CTDP1: variants seen among roughly 807,000 people sequenced by gnomAD.
CTDP1 encodes CTD phosphatase 1.
Under a neutral mutation model 91.8 loss-of-function variants are expected in CTDP1, and 47 were observed. The ratio of observed to expected loss-of-function variants is 0.51; its 90% CI spans 0.41 to 0.65. The LOEUF (loss-of-function observed/expected upper bound fraction) is 0.65, where lower values mean the gene tolerates loss of function less well. Among genes scored for constraint, CTDP1 ranks in the 30% least tolerant of loss-of-function variants. CTDP1 has a pLI of 0.00. For missense variants in CTDP1, 1,272 were observed against 1,373.7 expected, an observed-to-expected ratio of 0.93 and a Z score of 1.17; for synonymous variants, 656 against 598.5, an observed-to-expected ratio of 1.10 and a Z score of -1.40.
intron 12 of CTDP1, among the ~76,000 whole-genome samples, chr18:79,749,604 T>C (rs1255828732): frequency 6.6e-6 from 1 of 151,892 alleles, no homozygotes; most frequent in Non-Finnish European, 1.5e-5. Flanking sequence ...CAGTCATGAC[T>C]GCCCCCTCCC....
At chr18:79,686,585 T>A (rs1030754448) in intron 1 of CTDP1, among the ~76,000 whole-genome samples, 1 of 152,270 alleles carries the variant, frequency 6.6e-6, no homozygotes, top group Non-Finnish European at 1.5e-5. Context: ...GAACTTGAGC[T>A]AAAACTTAAC....
In CTDP1 at chr18:79,714,782, C is replaced by A. The variant is rs758829654; in HGVS notation, c.1322C>A (p.Pro441His). Residue 441 changes from proline (P) to histidine (H), a missense_variant, in exon 8 of 13, where the codon CCT becomes CAT. Coordinates refer to ENST00000613122, the MANE Select transcript of CTDP1 (RefSeq NM_004715.5). ...GGCCGGGTGGCACCGGGACAGCGGC[C>A]TGCCCAGGGTGCCACGGGCACTGAC... ...QGGRVAPGQRPAQGATGTDLD... is the reference protein window; with the variant it reads ...QGGRVAPGQRHAQGATGTDLD... 3 of 1,603,688 alleles carry A rather than the reference C, an allele frequency of 1.9e-6. No homozygotes were observed. In the South Asian group the frequency reaches 3.3e-5, roughly 18 times the overall value.
intron 11 of CTDP1, among the ~76,000 whole-genome samples, chr18:79,735,281 A>G (rs1435671313): frequency 1.3e-5 from 2 of 151,758 alleles, no homozygotes; most frequent in African/African-American, 4.8e-5. Context: ...CCAGGTGTGC[A>G]CCCCCAGATC....
chr18:79,713,139 G>T lies in CTDP1; in HGVS notation c.1030+1G>T. 1.2e-6 allele frequency: 2 copies of T among 1,613,860 alleles called. No homozygotes were observed. Among genetic ancestry groups the T allele is most frequent in the South Asian group, 1.1e-5 (1 of 91,070 alleles). ...CGAGAATCTCAGACGAGAAAGAAAG[G>T]TGGGTAACCTCCTTCCTGATTCTCT... On this transcript the variant is annotated splice_donor_variant, in intron 7 of 12. Transcript: ENST00000613122. LOFTEE classifies it high-confidence loss of function. The surrounding 1 kb of genome is among the most constrained non-coding windows in gnomAD (Gnocchi z 4.7).
In CTDP1 at chr18:79,715,217, A is replaced by T. The variant is rs771793907; in HGVS notation, c.1757A>T (p.Glu586Val). Residue 586 changes from glutamate (E) to valine (V), a missense_variant, in exon 8 of 13, where the codon GAG becomes GTG. Glu to Val is a moderately radical substitution (Grantham distance 121, BLOSUM62 -2). Around this residue, in one of 3 missense-constraint regions of CTDP1, gnomAD observed 881 missense variants for 911.6 expected, o/e 0.97. Transcript: ENST00000613122. The part of the protein sequence containing the change: ...MEEEEEEDTD[E>V]DDHLIYLEEI... Reference sequence around the variant, plus strand: ...GAGGAGGAGGAGGAGGACACGGATGAGGATGACCACCTCATCTACCTGGAG... The same window carrying T: ...GAGGAGGAGGAGGAGGACACGGATGTGGATGACCACCTCATCTACCTGGAG... The T allele has an allele frequency of 6.2e-7, 1 of 1,611,258 alleles. No individual in the cohort carries two copies. Among genetic ancestry groups the T allele is most frequent in the Admixed American group, 1.7e-5 (1 of 59,434 alleles).
intron 6 of CTDP1, among the ~76,000 whole-genome samples, chr18:79,712,643 T>G (rs2086107042): frequency 6.6e-6 from 1 of 152,218 alleles, no homozygotes; most frequent in Non-Finnish European, 1.5e-5. Context: ...TGTTTGTACA[T>G]GAAGTTTTAT....
intron 12 of CTDP1, among the ~76,000 whole-genome samples, chr18:79,751,509 C>T (rs1480278230): frequency 1.3e-5 from 2 of 152,204 alleles, no homozygotes; most frequent in Non-Finnish European, 2.9e-5. Context: ...GACTGATCGG[C>T]TGTGTGTGCC....
At chr18:79,683,698 C>T (rs1357105300) in intron 1 of CTDP1, among the ~76,000 whole-genome samples, 1 of 152,236 alleles carries the variant, frequency 6.6e-6, no homozygotes, top group South Asian at 2.1e-4. Context: ...CAGTTTTGGT[C>T]CCTCAAGGGC....
At chr18:79,731,795 C>A (rs912639427) in intron 11 of CTDP1, among the ~76,000 whole-genome samples, 1 of 152,228 alleles carries the variant, frequency 6.6e-6, no homozygotes, top group Non-Finnish European at 1.5e-5. Flanking sequence ...AATATGATGA[C>A]CCTGATAAAA....
chr18:79,681,910 C>T (rs1477226538), intron 1 of CTDP1, among the ~76,000 whole-genome samples: 1 of 152,094 alleles, frequency 6.6e-6, no homozygotes, highest in East Asian at 1.9e-4. Context: ...GGTTTGTGTA[C>T]ATGGGTTTTA....
rs754013889 is a variant in CTDP1, at chr18:79,714,979, C to T, written c.1519C>T (p.Arg507Trp). ...LAQGSSLEPG[R>W]PAAPSLPGEA... ...ACAGGGCAGTTCCCTGGAGCCGGGG[C>T]GGCCTGCAGCACCGAGTCTCCCCGG... The change falls in exon 8 of 13, where the codon CGG becomes TGG. Residue 507 changes from arginine (R) to tryptophan (W), a missense_variant. By Grantham distance (101) the Arg-to-Trp change is moderately radical. Around this residue, in one of 3 missense-constraint regions of CTDP1, gnomAD observed 881 missense variants for 911.6 expected, o/e 0.97. Transcript: ENST00000613122. 81 of 1,571,724 alleles carry T rather than the reference C, an allele frequency of 5.2e-5. No homozygotes were observed. Among genetic ancestry groups the T allele is most frequent in the African/African-American group, 1.7e-4 (13 of 74,364 alleles).
intron 10 of CTDP1, among the ~76,000 whole-genome samples, chr18:79,723,981 G>C (rs1394970865): frequency 6.6e-6 from 1 of 152,200 alleles, no homozygotes; most frequent in African/African-American, 2.4e-5. Flanking sequence ...GCCAACTGTG[G>C]TTTCACCGTT....
At chr18:79,727,190 A>G (rs189550411) in intron 10 of CTDP1, among the ~76,000 whole-genome samples, 17 of 152,334 alleles carry the variant, frequency 1.1e-4, no homozygotes, top group African/African-American at 4.1e-4. Context: ...AGCAGTTATC[A>G]TAGGTTTTTA....
chr18:79,735,153 C>T lies in CTDP1; in HGVS notation c.2581-1202C>T, dbSNP rs967027170. On this transcript the variant is annotated intron_variant, in intron 11 of 12. Coordinates refer to ENST00000613122, the MANE Select transcript of CTDP1 (RefSeq NM_004715.5). ...GTCTCTGTGACTCTGGACTCGGCCT[C>T]GACTGCTCCGAACCGCGCCTGTCTC... Among the ~76,000 whole-genome samples the T allele has an allele frequency of 3.9e-5, 6 of 151,944 alleles. No homozygotes were observed. In the South Asian group the frequency reaches 6.2e-4, roughly 16 times the overall value.
At chr18:79,718,364 T>A (rs1626962) in intron 10 of CTDP1, among the ~76,000 whole-genome samples, 15 of 152,120 alleles carry the variant, frequency 9.9e-5, no homozygotes, top group African/African-American at 3.4e-4. Context: ...TGAGCCCCCC[T>A]CCCCACTCGC....
chr18:79,736,174 G>T (rs2086662898), intron 11 of CTDP1, 181 bp from the exon 12 acceptor site: 2 of 740,998 alleles, frequency 2.7e-6, no homozygotes, highest in Non-Finnish European at 4.5e-6. Flanking sequence ...AGCGTCTTTT[G>T]CCCGGGGCTT....
At position 79,752,399 on chromosome 18, in the gene CTDP1, C is replaced by A. The variant is rs558441833; in HGVS notation, c.2748-1253C>A. The stretch of plus-strand genomic sequence containing the variant: ...TTATGCAGAGGCTCGTAAGGAAAGC[C>A]TAGTGGCACCGGCTGGTTATGCAGA... On this transcript the variant is annotated intron_variant, in intron 12 of 12. Transcript: ENST00000613122. 7.1e-5 allele frequency among the ~76,000 whole-genome samples: 8 copies of A among 112,542 alleles called. 1 individual carries two copies. The South Asian group carries it at 2.7e-3, about 39-fold the overall frequency. 73.8% of individuals were successfully genotyped at this position (112,542 alleles called of 152,430 possible).
intron 1 of CTDP1, among the ~76,000 whole-genome samples, chr18:79,689,923 G>A (rs2085585512): frequency 6.6e-6 from 1 of 152,180 alleles, no homozygotes; most frequent in Non-Finnish European, 1.5e-5. Flanking sequence ...GGTTCCCGGC[G>A]GCTGAGTCTT....
chr18:79,714,741 A>C lies in CTDP1; in HGVS notation c.1281A>C (p.Gly427=). 6.2e-7 allele frequency: 1 copy of C among 1,602,190 alleles called. No homozygotes were observed. Among genetic ancestry groups the C allele is most frequent in the Non-Finnish European group, 8.5e-7 (1 of 1,175,122 alleles). Residue 427 remains glycine, a synonymous_variant, in exon 8 of 13, where the codon GGA becomes GGC. Coordinates refer to ENST00000613122, the MANE Select transcript of CTDP1 (RefSeq NM_004715.5). ...QELAGAPEPQ[G]SCAQGGRVAP... is the part of the protein sequence containing the mutation. ...TGGCAGGCGCTCCTGAGCCCCAGGG[A>C]TCCTGTGCGCAGGGTGGCCGGGTGG...
Sources: allele counts gnomAD v4.1 joint callset (sites outside exome capture counted in the v4.1 genomes callset), GRCh38; gene constraint gnomAD v4.1.1; regional missense constraint gnomAD v4.1.1; non-coding constraint Gnocchi (gnomAD v3.1); transcripts MANE v1.5; gene names NCBI Gene and HGNC (gene_info 2026-07-23, HGNC 2026-07-21).